Variants in GREB1 observed in about 807,000 individuals in gnomAD.
GREB1 encodes protein GREB1.
GREB1 carries 106 observed loss-of-function variants against 200.7 expected under a neutral mutation model. The ratio of observed to expected loss-of-function variants is 0.53; its 90% CI spans 0.45 to 0.62. GREB1 has a LOEUF of 0.62. GREB1 is among the 20% of genes least tolerant of loss of function. The pLI, the probability that GREB1 is intolerant of heterozygous loss-of-function variation, is 0.00. For missense variants in GREB1, 2,243 were observed against 2,556.8 expected (o/e 0.88, Z 2.65); for synonymous variants, 1,132 against 1,092.4 (o/e 1.04, Z -0.72).
chr2:11,524,017 A>G (rs1488570224), intron 1 of GREB1, among the ~76,000 whole-genome samples: 2 of 151,912 alleles, frequency 1.3e-5, no homozygotes, highest in African/African-American at 4.9e-5. Context: ...ACAGTGTATC[A>G]TGTCTGAAGA....
intron 2 of GREB1, among the ~76,000 whole-genome samples, chr2:11,558,471 C>A (rs1322354318): frequency 6.6e-6 from 1 of 152,202 alleles, no homozygotes; most frequent in Non-Finnish European, 1.5e-5. Context: ...AGGTTCCCTG[C>A]CAGCTGTCAG....
At position 11,637,709 on chromosome 2, in the gene GREB1, C is replaced by T. The variant is rs767723259; in HGVS notation, c.5347-7C>T. On this transcript the variant is annotated splice_polypyrimidine_tract_variant and splice_region_variant and intron_variant, in intron 30 of 32. Transcript: ENST00000381486. ...AGTAGTGGCCTGACACCCCCCTTCC[C>T]GTGCAGGTGTCTGATAACTCTGCCG... is the stretch of plus-strand genomic sequence containing the variant. 41 of 1,611,814 alleles carry T rather than the reference C, an allele frequency of 2.5e-5. No individual in the cohort carries two copies. Among genetic ancestry groups the T allele is most frequent in the South Asian group, 1.8e-4 (16 of 91,062 alleles).
Position 11,629,835 on chromosome 2 carries a change from G to A in GREB1, c.4450-113G>A. 1 of 1,057,692 alleles carries A rather than the reference G, an allele frequency of 9.5e-7. No homozygotes were observed. Among genetic ancestry groups the A allele is most frequent in the African/African-American group, 1.6e-5 (1 of 63,950 alleles). 65.5% of individuals were successfully genotyped at this position (1,057,692 alleles called of 1,614,324 possible). A position where few individuals can be genotyped will look rare whatever the true frequency, so the allele number is the denominator to read the frequency against. ...AGTCACCCCGTGGGTTTCTTGTGCT[G>A]TAGGGAAGTGGTGACTGTGAGCTGC... is the stretch of plus-strand genomic sequence containing the variant. On this transcript the variant is annotated intron_variant, in intron 25 of 32. Coordinates refer to ENST00000381486, the MANE Select transcript of GREB1 (RefSeq NM_014668.4). This position sits in a 1 kb window ranked among gnomAD's most constrained non-coding sequence, Gnocchi z 5.2.
At chr2:11,552,928 T>C (rs974074784) in intron 1 of GREB1, among the ~76,000 whole-genome samples, 3 of 145,314 alleles carry the variant, frequency 2.1e-5, no homozygotes, top group Non-Finnish European at 3.0e-5. Context: ...GAGAATGGCG[T>C]GAACCCGGGA....
At chr2:11,511,007 A>G (rs1269515712) in intron 1 of GREB1, among the ~76,000 whole-genome samples, 6 of 152,188 alleles carry the variant, frequency 3.9e-5, no homozygotes, top group African/African-American at 4.8e-5. Flanking sequence ...AAACACAGTC[A>G]GTGTGCCTGA....
Position 11,595,913 on chromosome 2 carries a change from G to A in GREB1, c.1826-198G>A, listed in dbSNP as rs1269700185. ...TTCCTTCTGCCCTAGCACCTGCTAT[G>A]TCTGTGTGGGGGGAGCTCACTCTGG... On this transcript the variant is annotated intron_variant, in intron 12 of 32. Coordinates refer to ENST00000381486, the MANE Select transcript of GREB1 (RefSeq NM_014668.4). 3.9e-5 allele frequency among the ~76,000 whole-genome samples: 6 copies of A among 152,014 alleles called. No individual in the cohort carries two copies. The South Asian group carries it at 8.3e-4, about 21-fold the overall frequency.
chr2:11,598,077 G>A, intron 14 of GREB1, 99 bp downstream of exon 14: 1 of 858,484 alleles, frequency 1.2e-6, no homozygotes, highest in South Asian at 1.4e-5. Flanking sequence ...AGAGTGAATA[G>A]GGCAAGTATT....
chr2:11,587,411 G>A, intron 9 of GREB1: 1 of 1,613,862 alleles, frequency 6.2e-7, no homozygotes, highest in East Asian at 2.2e-5. Context: ...CCAAATGGTA[G>A]CCCTTGGTCC....
At chr2:11,523,880 A>G (rs1050553090) in intron 1 of GREB1, among the ~76,000 whole-genome samples, 1 of 152,176 alleles carries the variant, frequency 6.6e-6, no homozygotes, top group African/African-American at 2.4e-5. Context: ...AGATTGGTTC[A>G]AAGTGTCTGG....
chr2:11,617,142 CA>C (rs1259327801), intron 21 of GREB1, among the ~76,000 whole-genome samples: 9 of 152,234 alleles, frequency 5.9e-5, no homozygotes, highest in Admixed American at 5.2e-4. Flanking sequence ...GGAAGAGCAA[CA>C]AAAGGCAACA....
chr2:11,578,192 C>A, intron 5 of GREB1, 105 bp from the exon 6 acceptor site: 1 of 1,261,268 alleles, frequency 7.9e-7, no homozygotes, highest in South Asian at 1.4e-5. Context: ...GTGTGGCTGT[C>A]TCCATAGCTC....
chr2:11,541,855 G>A (rs1572628866), intron 1 of GREB1, among the ~76,000 whole-genome samples: 1 of 152,260 alleles, frequency 6.6e-6, no homozygotes, highest in East Asian at 1.9e-4. Flanking sequence ...CACACAATAG[G>A]TGTCTCGCCC....
At chr2:11,569,660 A>G (rs540883798) in intron 4 of GREB1, among the ~76,000 whole-genome samples, 14 of 152,364 alleles carry the variant, frequency 9.2e-5, no homozygotes, top group South Asian at 4.1e-4. Context: ...CAGTGGGTCT[A>G]TTATTATCTA....
chr2:11,615,898 TG>T (rs1316059406), intron 20 of GREB1, among the ~76,000 whole-genome samples: 2 of 152,034 alleles, frequency 1.3e-5, no homozygotes, highest in Non-Finnish European at 2.9e-5. Flanking sequence ...TGGAAGGAGG[TG>T]GGTGTGGGCA....
In GREB1 at chr2:11,629,153, G is replaced by C. The variant is rs1423750682; in HGVS notation, c.4450-795G>C. Reference sequence around the variant, plus strand: ...CATGGCAGAGATTAAAGCAGTGTGTGCTCGTCTGCCTCCTTCCCTGCAGAC... The same window carrying C: ...CATGGCAGAGATTAAAGCAGTGTGTCCTCGTCTGCCTCCTTCCCTGCAGAC... On this transcript the variant is annotated intron_variant, in intron 25 of 32. Coordinates refer to ENST00000381486, the MANE Select transcript of GREB1 (RefSeq NM_014668.4). This position sits in a 1 kb window ranked among gnomAD's most constrained non-coding sequence, Gnocchi z 5.2. Among the ~76,000 whole-genome samples, 3 of 144,408 alleles carry C rather than the reference G, an allele frequency of 2.1e-5. No homozygotes were observed. The highest frequency in any genetic ancestry group is 7.7e-5 in the African/African-American group (3 of 39,076). 94.7% of individuals were successfully genotyped at this position (144,408 alleles called of 152,430 possible).
At chr2:11,620,861 A>G in intron 22 of GREB1, 44 bp from the exon 23 acceptor site, 1 of 1,176,590 alleles carries the variant, frequency 8.5e-7, no homozygotes, top group African/African-American at 1.5e-5. Flanking sequence ...TGGCACGCGG[A>G]TGGGGCTTCC....
chr2:11,511,187 T>C (rs1228785433), intron 1 of GREB1, among the ~76,000 whole-genome samples: 2 of 152,106 alleles, frequency 1.3e-5, no homozygotes, highest in African/African-American at 2.4e-5. Flanking sequence ...TGAACGGCCA[T>C]GGGTAGCCAG....
intron 9 of GREB1, chr2:11,587,724 C>A: frequency 8.3e-7 from 1 of 1,206,344 alleles, no homozygotes; most frequent in Non-Finnish European, 1.0e-6. Context: ...CACACACACA[C>A]ACACACACAC....
chr2:11,572,020 A>C (rs1678360497), intron 4 of GREB1, among the ~76,000 whole-genome samples: 1 of 152,162 alleles, frequency 6.6e-6, no homozygotes, highest in Admixed American at 6.5e-5. Context: ...CGAACCATGC[A>C]TTTTTAATCT....
Sources: allele counts gnomAD v4.1 joint callset (sites outside exome capture counted in the v4.1 genomes callset), GRCh38; gene constraint gnomAD v4.1.1; non-coding constraint Gnocchi (gnomAD v3.1); transcripts MANE v1.5; gene names NCBI Gene and HGNC (gene_info 2026-07-23, HGNC 2026-07-21).